The following SUPT4H1 variants were observed in gnomAD, a reference collection of about 807,000 sequenced individuals.
SUPT4H1 encodes the protein SPT4 homolog, DSIF elongation factor subunit.
SUPT4H1 carries 12 observed loss-of-function variants against 19.4 expected under a neutral mutation model. The ratio of observed to expected loss-of-function variants is 0.62; its 90% confidence interval spans 0.40 to 1.00. The LOEUF (loss-of-function observed/expected upper bound fraction) is 1.00, where lower values mean the gene tolerates loss of function less well. SUPT4H1 is among the 50% of genes least tolerant of loss of function. The pLI, the probability that SUPT4H1 is intolerant of heterozygous loss-of-function variation, is 0.00. For synonymous variants in SUPT4H1, 58 were observed against 56.3 expected (o/e 1.03, Z -0.14); for missense variants, 115 against 149.2 (o/e 0.77, Z 1.19).
intron 2 of SUPT4H1, among the ~76,000 whole-genome samples, chr17:58,350,042 T>C (rs1972437698): frequency 1.3e-5 from 2 of 151,588 alleles, no homozygotes; most frequent in Admixed American, 6.6e-5. Context: ...CAGCACTTTG[T>C]GAGGCTGAGA....
chr17:58,351,852 G>A (rs1158136121), intron 1 of SUPT4H1: 2 of 595,358 alleles, frequency 3.4e-6, no homozygotes, highest in African/African-American at 3.7e-5. Context: ...AAGAGCTGAG[G>A]ATTCAAAGGC....
Position 58,345,819 on chromosome 17 carries a change from T to C in SUPT4H1, c.*427A>G, listed in dbSNP as rs536991878. 7.0e-5 allele frequency: 11 copies of C among 156,516 alleles called. 1 individual carries two copies. In the South Asian group the frequency reaches 1.9e-3, roughly 27 times the overall value. 9.7% of individuals were successfully genotyped at this position (156,516 alleles called of 1,614,324 possible). Reference sequence around the variant, plus strand: ...AGAGGCTGAGACAGTCAAGAGGGAGTAGAAGGGCCTCTGCTGCTCTGGGAA... The same window carrying C: ...AGAGGCTGAGACAGTCAAGAGGGAGCAGAAGGGCCTCTGCTGCTCTGGGAA... On this transcript the variant is annotated 3_prime_UTR_variant, in exon 5 of 5. Transcript: ENST00000225504.
intron 2 of SUPT4H1, among the ~76,000 whole-genome samples, chr17:58,348,172 T>C (rs766262234): frequency 6.6e-6 from 1 of 152,216 alleles, no homozygotes; most frequent in Non-Finnish European, 1.5e-5. Flanking sequence ...CTCCTCATTA[T>C]CCTAATAGTC....
At position 58,345,842 on chromosome 17, in the gene SUPT4H1, G is replaced by C. The variant is rs1972270241; in HGVS notation, c.*404C>G. Reference sequence around the variant, plus strand: ...AGTAGAAGGGCCTCTGCTGCTCTGGGAAGGTTCTTATAGGGCAAATAAGCT... The same window carrying C: ...AGTAGAAGGGCCTCTGCTGCTCTGGCAAGGTTCTTATAGGGCAAATAAGCT... On this transcript the variant is annotated 3_prime_UTR_variant, in exon 5 of 5. Coordinates refer to ENST00000225504, the MANE Select transcript of SUPT4H1 (RefSeq NM_003168.3). The C allele has an allele frequency of 6.1e-6, 1 of 163,644 alleles. No homozygotes were observed. Among genetic ancestry groups the C allele is most frequent in the African/African-American group, 2.4e-5 (1 of 41,576 alleles). The allele number at this position is 163,644 out of a possible 1,614,324, so 10.1% of individuals were successfully genotyped here. A position where few individuals can be genotyped will look rare whatever the true frequency, so the allele number is the denominator to read the frequency against.
chr17:58,351,620 G>T, intron 1 of SUPT4H1, 112 bp from the exon 2 acceptor site: 2 of 746,666 alleles, frequency 2.7e-6, no homozygotes, highest in South Asian at 1.6e-5. Context: ...TCCCTATGTT[G>T]ACTGTGTATC....
intron 3 of SUPT4H1, 47 bp from the exon 4 acceptor site, chr17:58,347,288 G>A (rs1972327526): frequency 6.3e-7 from 1 of 1,598,214 alleles, no homozygotes; most frequent in African/African-American, 1.3e-5. Context: ...AGTTAGTTAA[G>A]ACTCAAGATC....
chr17:58,351,380 G>A (rs746483377), intron 2 of SUPT4H1, 22 bp downstream of exon 2: 1 of 1,547,728 alleles, frequency 6.5e-7, no homozygotes, highest in Admixed American at 1.7e-5. Flanking sequence ...AGAAGTGAAT[G>A]ATGGAAACTG....
chr17:58,347,451 G>A, intron 3 of SUPT4H1, 78 bp downstream of exon 3: 1 of 1,555,752 alleles, frequency 6.4e-7, no homozygotes, highest in Non-Finnish European at 8.9e-7. Context: ...TCATCTTGCT[G>A]ATTTGAGACT....
chr17:58,346,756 C>T (rs1307588370), intron 4 of SUPT4H1, among the ~76,000 whole-genome samples: 1 of 143,948 alleles, frequency 6.9e-6, no homozygotes, highest in Non-Finnish European at 1.5e-5. Flanking sequence ...GCTTAGTTGA[C>T]TCATTACTAG....
rs761643362 is a variant in SUPT4H1 at position 58,347,593 on chromosome 17, G to A, written c.177-9C>T. On this transcript the variant is annotated splice_polypyrimidine_tract_variant and intron_variant, in intron 2 of 4. Transcript: ENST00000225504. ...TCATCATCGCAATGATTCTAGGGAG[G>A]GAAAAGAAATGGAGAGTCAGCCTGA... is the stretch of plus-strand genomic sequence containing the variant. 4 of 1,614,118 alleles carry A rather than the reference G, an allele frequency of 2.5e-6. No homozygotes were observed. Among genetic ancestry groups the A allele is most frequent in the South Asian group, 1.1e-5 (1 of 91,086 alleles).
At position 58,347,273 on chromosome 17, in the gene SUPT4H1, A is replaced by C. The variant is rs1163977177; in HGVS notation, c.233-32T>G. The C allele has an allele frequency of 3.1e-6, 5 of 1,611,648 alleles. No homozygotes were observed. In the South Asian group the frequency reaches 4.4e-5, roughly 14 times the overall value. ...GAGAAGAAAAAAGATACAAGATTAC[A>C]GTGAAGTTAGTTAAGACTCAAGATC... On this transcript the variant is annotated intron_variant, in intron 3 of 4. Coordinates refer to ENST00000225504, the MANE Select transcript of SUPT4H1 (RefSeq NM_003168.3).
intron 1 of SUPT4H1, 29 bp downstream of exon 1, chr17:58,352,038 G>T: frequency 6.2e-7 from 1 of 1,613,332 alleles, no homozygotes; most frequent in Non-Finnish European, 8.5e-7. Flanking sequence ...GTCCCCCATG[G>T]GCCCTACAAC....
At chr17:58,349,617 C>A (rs902962179) in intron 2 of SUPT4H1, among the ~76,000 whole-genome samples, 1 of 152,048 alleles carries the variant, frequency 6.6e-6, no homozygotes, top group Non-Finnish European at 1.5e-5. Flanking sequence ...TCACAAATAG[C>A]CAAAAGGGAG....
chr17:58,351,775 C>T, intron 1 of SUPT4H1: 1 of 572,294 alleles, frequency 1.7e-6, no homozygotes, highest in Admixed American at 3.2e-5. Flanking sequence ...ACTCACTCAG[C>T]AGCGGATCCC....
chr17:58,350,926 C>T lies in SUPT4H1; in HGVS notation c.176+476G>A, dbSNP rs554119724. ...TCCCTTCATTTTCAAAAAAAATTTT[C>T]ATGCATTTAACAAACATTATTAAGA... On this transcript the variant is annotated intron_variant, in intron 2 of 4. Coordinates refer to ENST00000225504, the MANE Select transcript of SUPT4H1 (RefSeq NM_003168.3). 2.7e-5 allele frequency among the ~76,000 whole-genome samples: 4 copies of T among 149,564 alleles called. No individual in the cohort carries two copies. The South Asian group carries it at 8.5e-4, about 32-fold the overall frequency.
intron 2 of SUPT4H1, among the ~76,000 whole-genome samples, chr17:58,350,824 GAA>G (rs1972480614): frequency 1.4e-5 from 1 of 71,936 alleles, no homozygotes; most frequent in African/African-American, 5.4e-5. Context: ...TGGCAAGGGC[GAA>G]AAGTCTGTCC....
At chr17:58,350,510 C>CAAATAAATAAATAAAT (rs71143243) in intron 2 of SUPT4H1, among the ~76,000 whole-genome samples, 5,007 of 146,850 alleles carry the variant, frequency 0.034, 159 homozygotes, top group African/African-American at 0.082. Context: ...GACTCCATCT[C>CAAATAAATAAATAAAT]AAATAAATAA....
chr17:58,351,367 T>C (rs147770689), intron 2 of SUPT4H1, 35 bp downstream of exon 2: 15,716 of 1,476,364 alleles, frequency 0.011, 127 homozygotes, highest in South Asian at 0.022. Flanking sequence ...GGTTGGGTAA[T>C]GCAGAAGTGA....
At chr17:58,347,274 G>A (rs896252505) in intron 3 of SUPT4H1, 33 bp from the exon 4 acceptor site, 21 of 1,611,326 alleles carry the variant, frequency 1.3e-5, no homozygotes, top group Non-Finnish European at 1.5e-5. Context: ...CAAGATTACA[G>A]TGAAGTTAGT....
Sources: allele counts gnomAD v4.1 joint callset (sites outside exome capture counted in the v4.1 genomes callset), GRCh38; gene constraint gnomAD v4.1.1; transcripts MANE v1.5; gene names NCBI Gene and HGNC (gene_info 2026-07-23, HGNC 2026-07-21).